Variants in ZDHHC11 observed in about 807,000 individuals in gnomAD.
ZDHHC11 encodes palmitoyltransferase ZDHHC11.
ZDHHC11 carries 44 observed loss-of-function variants against 51.3 expected under a neutral mutation model. That is an observed-to-expected ratio of 0.86 (90% CI 0.67 to 1.10). The LOEUF (loss-of-function observed/expected upper bound fraction) is 1.10. Among genes scored for constraint, ZDHHC11 ranks in the 50% least tolerant of loss-of-function variants. The pLI is 0.00. For synonymous variants in ZDHHC11, 163 were observed against 222.0 expected (o/e 0.73, Z 2.36); for missense variants, 400 against 537.7 (o/e 0.74, Z 2.53).
At chr5:808,783 C>T (rs1227768518) in intron 11 of ZDHHC11, among the ~76,000 whole-genome samples, 27 of 146,036 alleles carry the variant, frequency 1.8e-4, no homozygotes, top group African/African-American at 5.0e-4. Context: ...CTGCAAGCTC[C>T]GCCTCCTGGG....
At position 850,588 on chromosome 5, in the gene ZDHHC11, G is replaced by C. The variant is rs141673353; in HGVS notation, c.15C>G (p.Ser5=). The C allele has an allele frequency of 6.2e-7, 1 of 1,613,194 alleles. No individual in the cohort carries two copies. The highest frequency in any genetic ancestry group is 8.5e-7 in the Non-Finnish European group (1 of 1,180,004). The change falls in exon 1 of 13, where the codon TCC becomes TCG. Residue 5 remains serine, a synonymous_variant. Coordinates refer to ENST00000283441, the MANE Select transcript of ZDHHC11 (RefSeq NM_024786.3). Reference sequence around the variant, plus strand: ...CTGGGGTGACGGAACACTGGCTCCCGGAGCGGGTGTCCATCTGCAGGACAC... The same window carrying C: ...CTGGGGTGACGGAACACTGGCTCCCCGAGCGGGTGTCCATCTGCAGGACAC... MDTR[S]GSQCSVTPEA...
rs1489478896 is a variant in ZDHHC11, at chr5:845,495, G to A, written c.504-1771C>T. ...GCACAGCCTCCTGCCCCTGCTGCCT[G>A]TGTTTAACCTGCAGAGTCCGAGGCC... On this transcript the variant is annotated intron_variant, in intron 3 of 12. Coordinates refer to ENST00000283441, the MANE Select transcript of ZDHHC11 (RefSeq NM_024786.3). 2.4e-4 allele frequency among the ~76,000 whole-genome samples: 36 copies of A among 150,006 alleles called. 1 individual carries two copies. Among genetic ancestry groups the A allele is most frequent in the African/African-American group, 5.9e-4 (24 of 40,906 alleles).
In ZDHHC11 at chr5:848,549, G is replaced by C; in HGVS notation, c.334C>G (p.Leu112Val). The C allele has an allele frequency of 6.4e-7, 1 of 1,553,482 alleles. No individual in the cohort carries two copies. Among genetic ancestry groups the C allele is most frequent in the Non-Finnish European group, 8.7e-7 (1 of 1,144,568 alleles). Residue 112 changes from leucine to valine, a missense_variant, in exon 2 of 13, where the codon CTC becomes GTC. By Grantham distance (32) the Leu-to-Val change is conservative (BLOSUM62 1). Around this residue, in one of 5 missense-constraint regions of ZDHHC11, gnomAD observed 22 missense variants for 81.0 expected, o/e 0.27. Coordinates refer to ENST00000283441, the MANE Select transcript of ZDHHC11 (RefSeq NM_024786.3). ...LMKNYSQPMP[L>V]FDRSKHAHVI... is the part of the protein sequence containing the mutation. The stretch of plus-strand genomic sequence containing the variant: ...TGTGCATGTTTTGATCTGTCGAAGA[G>C]GGGCATGGGCTGAGAATAGTTCTTC...
chr5:827,197 T>G (rs394124), intron 7 of ZDHHC11, among the ~76,000 whole-genome samples: 2 of 140,828 alleles, frequency 1.4e-5, no homozygotes, highest in Admixed American at 1.5e-4. Flanking sequence ...TAGCCACTAA[T>G]AAGTCAGTCC....
chr5:827,941 C>G (rs1405325564), intron 7 of ZDHHC11, among the ~76,000 whole-genome samples: 1 of 151,028 alleles, frequency 6.6e-6, no homozygotes, highest in Non-Finnish European at 1.5e-5. Context: ...GGTGATGACT[C>G]TTAATGAGCA....
At chr5:841,194 C>T (rs1417532204) in intron 4 of ZDHHC11, 1 of 1,051,254 alleles carries the variant, frequency 9.5e-7, no homozygotes, top group Non-Finnish European at 1.2e-6. Flanking sequence ...CAGCACCCAC[C>T]CCTTCCTAAG....
rs1233346923 is a variant in ZDHHC11, at chr5:809,178, CCCCATCACATAACTGTCTG to C, written c.1181+5564_1181+5582del. Among the ~76,000 whole-genome samples, 291 of 144,016 alleles carry C rather than the reference CCCCATCACATAACTGTCTG, an allele frequency of 2.0e-3. 2 individuals carry two copies. Among genetic ancestry groups the C allele is most frequent in the Non-Finnish European group, 9.1e-4 (60 of 65,992 alleles). The allele number at this position is 144,016 out of a possible 152,430, so 94.5% of individuals were successfully genotyped here. A position where few individuals can be genotyped will look rare whatever the true frequency, so the allele number is the denominator to read the frequency against. On this transcript the variant is annotated intron_variant, in intron 11 of 12. Coordinates refer to ENST00000283441, the MANE Select transcript of ZDHHC11 (RefSeq NM_024786.3). ...GACCAGGGCTAATGTTTGTCCTCCA[CCCCATCACATAACTGTCTG>C]CCCATCACTCTGGTCTGCCGCATTT...
chr5:841,846 A>T (rs1279540910), intron 4 of ZDHHC11: 1 of 992,446 alleles, frequency 1.0e-6, no homozygotes, highest in Admixed American at 6.1e-5. Context: ...TTCAGCATGG[A>T]TGTCTTTGGG....
In ZDHHC11 at chr5:842,843, G is replaced by A. The variant is rs139911083; in HGVS notation, c.628+757C>T. Reference sequence around the variant, plus strand: ...TTTGCCAGCTCCTGTGGCTCCCGGCGACCCCGGGCTGTGGCTGTGTGACTC... The same window carrying A: ...TTTGCCAGCTCCTGTGGCTCCCGGCAACCCCGGGCTGTGGCTGTGTGACTC... On this transcript the variant is annotated intron_variant, in intron 4 of 12. Transcript: ENST00000283441. Among the ~76,000 whole-genome samples, 293 of 151,604 alleles carry A rather than the reference G, an allele frequency of 1.9e-3. 2 individuals carry two copies. The East Asian group carries it at 0.052, about 27-fold the overall frequency.
chr5:834,837 G>C (rs985401272), intron 6 of ZDHHC11, among the ~76,000 whole-genome samples: 1 of 151,888 alleles, frequency 6.6e-6, no homozygotes. Context: ...ACATAATGCT[G>C]TTGCACACGT....
intron 11 of ZDHHC11, among the ~76,000 whole-genome samples, chr5:804,686 C>T (rs1738991669): frequency 6.6e-6 from 1 of 151,122 alleles, no homozygotes; most frequent in Admixed American, 6.6e-5. Context: ...GGCTCAAAGG[C>T]AGTGGGGTGA....
At chr5:831,008 C>CATACA (rs141829994) in intron 7 of ZDHHC11, among the ~76,000 whole-genome samples, 27,594 of 147,584 alleles carry the variant, frequency 0.19, 876 homozygotes, top group African/African-American at 0.38. Context: ...GACCTGAAAG[C>CATACA]AAAATCTACA....
Position 824,209 on chromosome 5 carries a change from T to G in ZDHHC11, c.1023+955A>C, listed in dbSNP as rs1011919348. 8 of 379,624 alleles carry G rather than the reference T, an allele frequency of 2.1e-5. No homozygotes were observed. The Admixed American group carries it at 2.6e-4, about 12-fold the overall frequency. The allele number at this position is 379,624 out of a possible 1,614,324, so 23.5% of individuals were successfully genotyped here. ...CGTGGTGGCTCACGCCTCTAATCCC[T>G]GTGCTATTAGAGGCTGAGGTCAAGG... On this transcript the variant is annotated intron_variant, in intron 8 of 12. Transcript: ENST00000283441.
upstream of ZDHHC11, among the ~76,000 whole-genome samples, chr5:851,362 G>A (rs1277529858): frequency 6.6e-5 from 10 of 151,636 alleles, no homozygotes; most frequent in Admixed American, 2.0e-4. Flanking sequence ...TGGGAGGGAC[G>A]TGGTGTCACA....
intron 10 of ZDHHC11, chr5:817,035 C>T (rs546033139): frequency 1.0e-4 from 22 of 211,110 alleles, no homozygotes; most frequent in African/African-American, 4.9e-4. Context: ...GAATTACTGC[C>T]CTGGGGGGTA....
intron 4 of ZDHHC11, chr5:842,541 AGTCCTCCCT>A (rs1745179924): frequency 1.0e-6 from 1 of 985,908 alleles, no homozygotes; most frequent in African/African-American, 1.7e-5. Flanking sequence ...AGGGCAGGCA[AGTCCTCCCT>A]GTCTCGCCAC....
chr5:853,751 TGGA>T (rs1474909945), upstream of ZDHHC11, among the ~76,000 whole-genome samples: 1 of 108,336 alleles, frequency 9.2e-6, no homozygotes, highest in East Asian at 3.3e-4. Context: ...ACAGATCCCA[TGGA>T]GGACAGCAAG....
intron 9 of ZDHHC11, 74 bp from the exon 10 acceptor site, chr5:819,686 G>A (rs1741315950): frequency 6.1e-6 from 9 of 1,479,782 alleles, no homozygotes; most frequent in Admixed American, 5.1e-5. Context: ...GGAGGCTACA[G>A]TGTGTCCTGT....
intron 8 of ZDHHC11, among the ~76,000 whole-genome samples, chr5:824,778 A>G (rs1262981685): frequency 1.3e-5 from 2 of 151,238 alleles, no homozygotes. Context: ...TTAAAAAAAA[A>G]AAAAAAACAG....
Sources: gnomAD v4.1 joint callset for allele counts (sites outside exome capture counted in the v4.1 genomes callset) on GRCh38, gnomAD v4.1.1 for gene constraint, gnomAD v4.1.1 regional missense constraint, MANE v1.5 for transcripts, NCBI Gene and HGNC (gene_info 2026-07-23, HGNC 2026-07-21) for gene names.